Variants in MACF1 observed in about 807,000 individuals in gnomAD.
The protein encoded by MACF1 is microtubule-actin cross-linking factor 1.
MACF1 carries 193 observed loss-of-function variants against 854.8 expected under a neutral mutation model. The ratio of observed to expected loss-of-function variants is 0.23; its 90% confidence interval spans 0.20 to 0.25. The LOEUF is 0.25. Ranked by LOEUF, MACF1 falls within the 10% of genes least tolerant of loss-of-function variation. The pLI is 1.00. For missense variants in MACF1, 7,722 were observed against 8,929.1 expected, an observed-to-expected ratio of 0.86 and a Z score of 5.45; for synonymous variants, 3,185 against 3,226.7, an observed-to-expected ratio of 0.99 and a Z score of 0.44.
intron 100 of MACF1, 28 bp downstream of exon 100, chr1:39,484,758 C>T: frequency 6.2e-7 from 1 of 1,613,998 alleles, no homozygotes; most frequent in Non-Finnish European, 8.5e-7. Flanking sequence ...GACCTACAAG[C>T]CAGGCTGAGA....
rs1294711602 is a variant in MACF1, at chr1:39,439,305, C to T, written c.18252C>T (p.Phe6084=). 6.2e-7 allele frequency: 1 copy of T among 1,613,474 alleles called. No individual in the cohort carries two copies. Among genetic ancestry groups the T allele is most frequent in the Non-Finnish European group, 8.5e-7 (1 of 1,179,584 alleles). The stretch of plus-strand genomic sequence containing the variant: ...AGGATAAATTGGATCAAATGGTATT[C>T]TTCTGGGAGGACATCAAAGCTCGGG... ...EIQDKLDQMV[F]FWEDIKARAE... The change falls in exon 72 of 101, where the codon TTC becomes TTT. Residue 6084 remains phenylalanine (F), a synonymous_variant. Transcript: ENST00000564288.
At chr1:39,451,833 A>G (rs1202483784) in intron 85 of MACF1, among the ~76,000 whole-genome samples, 1 of 152,168 alleles carries the variant, frequency 6.6e-6, no homozygotes, top group Non-Finnish European at 1.5e-5. Flanking sequence ...TGCCTGAGCT[A>G]GCATTTACAG....
At chr1:39,263,724 C>T (rs1242680946) in intron 6 of MACF1, among the ~76,000 whole-genome samples, 2 of 151,228 alleles carry the variant, frequency 1.3e-5, no homozygotes, top group East Asian at 1.9e-4. Context: ...ATATTTGACA[C>T]ACATAGTATC....
At chr1:39,442,651 T>C in intron 77 of MACF1, 63 bp from the exon 78 acceptor site, 1 of 1,609,842 alleles carries the variant, frequency 6.2e-7, no homozygotes, top group Non-Finnish European at 8.5e-7. Flanking sequence ...GTTGTGTATA[T>C]CTTAAGAGAA....
chr1:39,143,224 T>C (rs1643385230), intron 2 of MACF1, among the ~76,000 whole-genome samples: 1 of 152,200 alleles, frequency 6.6e-6, no homozygotes, highest in Admixed American at 6.5e-5. Context: ...TTCATAATCA[T>C]TGTACCCCTT....
intron 74 of MACF1, 111 bp from the exon 75 acceptor site, chr1:39,441,841 A>G: frequency 1.3e-6 from 1 of 760,136 alleles, no homozygotes; most frequent in Admixed American, 2.5e-5. Flanking sequence ...AATCACAAAC[A>G]GCACAAGGTG....
rs553987133 is a variant in MACF1, at chr1:39,379,034, A to G, written c.13277-169A>G. ...CAAAACCAGAAAGCAGATTAATGAG[A>G]ATGCTTTTGTTTTGTGTATATAAAT... On this transcript the variant is annotated intron_variant, in intron 53 of 100. Transcript: ENST00000564288. Among the ~76,000 whole-genome samples, 28 of 152,276 alleles carry G rather than the reference A, an allele frequency of 1.8e-4. No individual in the cohort carries two copies. In the South Asian group the frequency reaches 2.7e-3, roughly 15 times the overall value.
intron 6 of MACF1, among the ~76,000 whole-genome samples, chr1:39,277,846 G>C (rs1645467017): frequency 6.6e-6 from 1 of 152,178 alleles, no homozygotes; most frequent in Non-Finnish European, 1.5e-5. Context: ...TTTAAGCACA[G>C]CTCCTAGAAT....
At chr1:39,355,460 C>CTTTTTTTTTTTTTTTTTTTTT (rs56202498) in intron 44 of MACF1, among the ~76,000 whole-genome samples, 3 of 81,054 alleles carry the variant, frequency 3.7e-5, no homozygotes, top group Non-Finnish European at 4.5e-5. Flanking sequence ...TTTTCTTCTG[C>CTTTTTTTTTTTTTTTTTTTTT]TTTTTTTTTT....
intron 37 of MACF1, 92 bp from the exon 38 acceptor site, chr1:39,337,090 C>T (rs541701852): frequency 1.2e-5 from 15 of 1,257,050 alleles, no homozygotes; most frequent in South Asian, 3.1e-5. Context: ...GTAAAAATTG[C>T]TTCTATTTGT....
At chr1:39,200,008 G>A (rs1409136189), upstream of MACF1, among the ~76,000 whole-genome samples, 3 of 152,284 alleles carry the variant, frequency 2.0e-5, no homozygotes, top group East Asian at 1.9e-4. Context: ...TGAAGGAGTT[G>A]TTTTTCCCTG....
chr1:39,176,460 C>T (rs1644030464), intron 2 of MACF1, among the ~76,000 whole-genome samples: 1 of 152,090 alleles, frequency 6.6e-6, no homozygotes, highest in African/African-American at 2.4e-5. Context: ...TAGTCCTCTT[C>T]GTTTAAATTC....
intron 35 of MACF1, among the ~76,000 whole-genome samples, chr1:39,327,006 A>G (rs1204751419): frequency 6.6e-6 from 1 of 152,142 alleles, no homozygotes; most frequent in Non-Finnish European, 1.5e-5. Context: ...CATTTGAACT[A>G]CAAGCATAGG....
At chr1:39,243,898 A>G (rs1241446072) in intron 2 of MACF1, among the ~76,000 whole-genome samples, 1 of 152,092 alleles carries the variant, frequency 6.6e-6, no homozygotes, top group African/African-American at 2.4e-5. Context: ...CTGTGTCTGA[A>G]AAATTCCTGA....
chr1:39,326,680 C>CAAAAAAAAAAAA (rs57108021), intron 35 of MACF1, among the ~76,000 whole-genome samples: 2 of 72,748 alleles, frequency 2.7e-5, no homozygotes, highest in African/African-American at 1.1e-4. Context: ...GACTCCATCT[C>CAAAAAAAAAAAA]AAAAAAAAAA....
chr1:39,444,212 G>A lies in MACF1; in HGVS notation c.19432-450G>A, dbSNP rs1644177924. ...TAGCCGGGCGTGGTGGCGGGCGCCT[G>A]TAGTCCCAGCTACTCAGGAGGCTGA... On this transcript the variant is annotated intron_variant, in intron 79 of 100. Transcript: ENST00000564288. 2.6e-5 allele frequency among the ~76,000 whole-genome samples: 4 copies of A among 152,112 alleles called. No homozygotes were observed. In the South Asian group the frequency reaches 8.3e-4, roughly 32 times the overall value.
chr1:39,273,386 A>G (rs945465), intron 6 of MACF1, among the ~76,000 whole-genome samples: 9,175 of 151,970 alleles, frequency 0.06, 359 homozygotes, highest in African/African-American at 0.11. Flanking sequence ...CCTAGAAATG[A>G]TAAGAAAGAG....
chr1:39,124,129 G>A (rs988619838), intron 2 of MACF1, among the ~76,000 whole-genome samples: 21 of 148,206 alleles, frequency 1.4e-4, no homozygotes, highest in Non-Finnish European at 1.3e-4. Context: ...CAAGTGATCC[G>A]CCCACCTTGG....
chr1:39,181,424 T>C (rs1485057063), intron 2 of MACF1, among the ~76,000 whole-genome samples: 2 of 152,192 alleles, frequency 1.3e-5, no homozygotes, highest in African/African-American at 4.8e-5. Context: ...AACTGATCTA[T>C]AGATTCAATG....
Sources: allele counts gnomAD v4.1 joint callset (sites outside exome capture counted in the v4.1 genomes callset), GRCh38; gene constraint gnomAD v4.1.1; transcripts MANE v1.5; gene names NCBI Gene and HGNC (gene_info 2026-07-23, HGNC 2026-07-21).